ZPBP: variants seen among roughly 807,000 people sequenced by gnomAD.
The protein encoded by ZPBP is zona pellucida-binding protein 1.
In ZPBP, 26 loss-of-function variants were observed where a neutral mutation model predicts 44.8. The observed-to-expected ratio is 0.58, with a 90% CI of 0.43 to 0.81. The LOEUF (loss-of-function observed/expected upper bound fraction) is 0.81, where lower values mean the gene tolerates loss of function less well. Among genes scored for constraint, ZPBP ranks in the 30% least tolerant of loss-of-function variants. The pLI, the probability that ZPBP is intolerant of heterozygous loss-of-function variation, is 0.00. For synonymous variants in ZPBP, 174 were observed against 153.2 expected (o/e 1.14, Z -1.00); for missense variants, 409 against 434.0 (o/e 0.94, Z 0.51).
chr7:49,886,302 C>T (rs1338543805), intron 2 of ZPBP, among the ~76,000 whole-genome samples: 1 of 151,856 alleles, frequency 6.6e-6, no homozygotes, highest in Non-Finnish European at 1.5e-5. Context: ...AGAGTACATT[C>T]CTATTTGGAA....
chr7:49,957,340 C>A (rs1795648483), intron 7 of ZPBP, among the ~76,000 whole-genome samples: 1 of 152,080 alleles, frequency 6.6e-6, no homozygotes. Context: ...CATCACAGGC[C>A]CAGAGTGTCA....
At chr7:50,003,705 G>A (rs75742172) in intron 6 of ZPBP, among the ~76,000 whole-genome samples, 3,322 of 152,202 alleles carry the variant, frequency 0.022, 56 homozygotes, top group Non-Finnish European at 0.035. Flanking sequence ...TCATATAATG[G>A]AGTAATTGGG....
intron 6 of ZPBP, among the ~76,000 whole-genome samples, chr7:49,985,780 TG>T (rs2128783840): frequency 6.6e-6 from 1 of 152,308 alleles, no homozygotes; most frequent in Non-Finnish European, 1.5e-5. Flanking sequence ...TTTGTGCAGA[TG>T]TGGGAACCTG....
At chr7:49,948,345 G>C (rs979965673) in intron 7 of ZPBP, among the ~76,000 whole-genome samples, 1 of 152,060 alleles carries the variant, frequency 6.6e-6, no homozygotes, top group Admixed American at 6.6e-5. Flanking sequence ...TTTCTTTTAC[G>C]TGATACCAAA....
chr7:50,026,870 T>C (rs1052371498), intron 5 of ZPBP, among the ~76,000 whole-genome samples: 16 of 151,918 alleles, frequency 1.1e-4, no homozygotes, highest in African/African-American at 2.9e-4. Flanking sequence ...GCCTTACAAA[T>C]ACTCCTTCCT....
At chr7:50,051,425 A>G (rs1157614535) in intron 4 of ZPBP, among the ~76,000 whole-genome samples, 2 of 152,210 alleles carry the variant, frequency 1.3e-5, no homozygotes, top group Non-Finnish European at 1.5e-5. Flanking sequence ...CAGCAATCCC[A>G]TTACTGAGTA....
chr7:50,079,906 C>T (rs1911754), intron 3 of ZPBP, among the ~76,000 whole-genome samples: 118,538 of 151,496 alleles, frequency 0.78, 46,436 homozygotes, highest in East Asian at 0.88. Context: ...GAACTTGTTG[C>T]AATAAATGCA....
intron 6 of ZPBP, among the ~76,000 whole-genome samples, chr7:50,012,620 T>C (rs1038385697): frequency 6.6e-6 from 1 of 150,528 alleles, no homozygotes; most frequent in Admixed American, 6.6e-5. Context: ...TAATGTAATC[T>C]CCCAGTAAAT....
chr7:49,917,647 A>C (rs1357972336), intron 1 of ZPBP: 1 of 152,178 alleles, frequency 6.6e-6, no homozygotes, highest in Admixed American at 6.5e-5. Flanking sequence ...TTAGTTTTTA[A>C]TTCAATTTTC....
chr7:49,849,156 TC>T (rs566877892), downstream of ZPBP, among the ~76,000 whole-genome samples: 61 of 152,248 alleles, frequency 4.0e-4, no homozygotes, highest in East Asian at 0.011. Context: ...TACCCTACAG[TC>T]CCAGGGAAAC....
chr7:50,090,088 T>C (rs148337748), intron 1 of ZPBP, among the ~76,000 whole-genome samples: 34 of 152,258 alleles, frequency 2.2e-4, no homozygotes, highest in Admixed American at 5.2e-4. Flanking sequence ...TCATTCTACA[T>C]TGTACTATAG....
intron 2 of ZPBP, among the ~76,000 whole-genome samples, chr7:49,857,009 CAAAAAAAAAAAAAAAAA>C (rs59910243): frequency 3.8e-5 from 2 of 52,764 alleles, no homozygotes; most frequent in East Asian, 7.0e-4. Flanking sequence ...GATACTGTCT[CAAAAAAAAAAAAAAAAA>C]AAAAAAAAAA....
chr7:49,870,120 G>A lies in ZPBP; in HGVS notation n.510-19606C>T, dbSNP rs376648047. ...GGAAACCTGGAGTGAAAACATTTTCGCTGGGTGCGGTGGCTCATACCTGTA... is the reference window on the plus strand; with the variant it reads ...GGAAACCTGGAGTGAAAACATTTTCACTGGGTGCGGTGGCTCATACCTGTA... On this transcript the variant is annotated intron_variant and non_coding_transcript_variant, in intron 2 of 2. Transcript: ENST00000465922. Among the ~76,000 whole-genome samples, 240 of 152,312 alleles carry A rather than the reference G, an allele frequency of 1.6e-3. 3 individuals are homozygous for A. The highest frequency in any genetic ancestry group is 5.4e-3 in the African/African-American group (225 of 41,570).
intron 7 of ZPBP, 152 bp from the exon 8 acceptor site, chr7:49,937,774 A>T (rs1489934300): frequency 4.6e-6 from 3 of 649,490 alleles, no homozygotes; most frequent in Non-Finnish European, 5.3e-6. Flanking sequence ...CATCTTGCAA[A>T]ACTGCAACTC....
chr7:49,978,752 T>A (rs531595590), intron 7 of ZPBP, among the ~76,000 whole-genome samples: 1 of 152,094 alleles, frequency 6.6e-6, no homozygotes, highest in East Asian at 1.9e-4. Context: ...ACTAGTGTTA[T>A]CCTAATTTAA....
chr7:50,000,516 A>G (rs1034685714), intron 6 of ZPBP, among the ~76,000 whole-genome samples: 3 of 152,184 alleles, frequency 2.0e-5, no homozygotes, highest in African/African-American at 7.2e-5. Flanking sequence ...TTTAAGGAAA[A>G]GCAATGAAAA....
chr7:49,873,419 C>T (rs1229709957), intron 2 of ZPBP, among the ~76,000 whole-genome samples: 1 of 152,126 alleles, frequency 6.6e-6, no homozygotes, highest in African/African-American at 2.4e-5. Context: ...AGTGCTCCAC[C>T]CTCATGAACT....
At chr7:50,037,212 G>A (rs1003882836) in intron 4 of ZPBP, among the ~76,000 whole-genome samples, 2 of 152,112 alleles carry the variant, frequency 1.3e-5, no homozygotes, top group Non-Finnish European at 2.9e-5. Context: ...ACAGCTGGAG[G>A]AGCTCTGCAA....
intron 2 of ZPBP, among the ~76,000 whole-genome samples, chr7:49,896,898 T>C (rs1792410920): frequency 1.4e-5 from 2 of 145,488 alleles, no homozygotes; most frequent in African/African-American, 2.5e-5. Context: ...TTTTTTTTTT[T>C]TTTTTTTTGA....
Sources: allele counts gnomAD v4.1 joint callset (sites outside exome capture counted in the v4.1 genomes callset), GRCh38; gene constraint gnomAD v4.1.1; transcripts MANE v1.5; gene names NCBI Gene and HGNC (gene_info 2026-07-23, HGNC 2026-07-21).